SORCS3: variants seen among roughly 807,000 people sequenced by gnomAD.
SORCS3 encodes the protein sortilin related VPS10 domain containing receptor 3, also known as VPS10 domain-containing receptor SorCS3.
Under a neutral mutation model 146.3 loss-of-function variants are expected in SORCS3, and 57 were observed. The observed-to-expected ratio is 0.39, with a 90% CI of 0.31 to 0.49. The LOEUF (loss-of-function observed/expected upper bound fraction) is 0.49. Among genes scored for constraint, SORCS3 ranks in the 20% least tolerant of loss-of-function variants. The probability of loss-of-function intolerance (pLI) is 0.92; values close to 1 mark genes in which losing one functional copy is unlikely to be tolerated. For synonymous variants in SORCS3, 653 were observed against 618.5 expected (o/e 1.06, Z -0.83); for missense variants, 1,341 against 1,575.5 (o/e 0.85, Z 2.52).
chr10:105,173,553 G>T (rs1020923851), intron 13 of SORCS3, among the ~76,000 whole-genome samples: 1 of 151,574 alleles, frequency 6.6e-6, no homozygotes, highest in Non-Finnish European at 1.5e-5. Flanking sequence ...GCCCCATCTT[G>T]GTGTGGTCTC....
chr10:104,878,336 T>C (rs2133573519), intron 2 of SORCS3, among the ~76,000 whole-genome samples: 1 of 152,232 alleles, frequency 6.6e-6, no homozygotes, highest in East Asian at 1.9e-4. Flanking sequence ...AGTAATACAT[T>C]CTGTGAGGGA....
At chr10:104,876,239 G>A (rs1961639) in intron 2 of SORCS3, among the ~76,000 whole-genome samples, 109,043 of 152,054 alleles carry the variant, frequency 0.72, 39,558 homozygotes, top group East Asian at 0.88. Context: ...TGTTATAGCC[G>A]GTTTGTGTTG....
chr10:105,205,982 T>G (rs1209348815), intron 16 of SORCS3, among the ~76,000 whole-genome samples: 1 of 152,014 alleles, frequency 6.6e-6, no homozygotes, highest in African/African-American at 2.4e-5. Context: ...CAAAGCAAGT[T>G]TATTGAGTGG....
intron 1 of SORCS3, among the ~76,000 whole-genome samples, chr10:104,841,671 C>G (rs1348396155): frequency 1.3e-5 from 2 of 152,030 alleles, no homozygotes; most frequent in East Asian, 1.9e-4. Context: ...GATTATTTTT[C>G]TTTAATCTTA....
chr10:105,030,862 G>A (rs2055261831), intron 4 of SORCS3, among the ~76,000 whole-genome samples: 1 of 151,814 alleles, frequency 6.6e-6, no homozygotes. Flanking sequence ...CAAAGTGTTG[G>A]GATTACAGGT....
intron 4 of SORCS3, among the ~76,000 whole-genome samples, chr10:104,998,561 C>T (rs548421790): frequency 1.3e-5 from 2 of 152,192 alleles, no homozygotes; most frequent in South Asian, 4.1e-4. Flanking sequence ...TTTTTTGTAT[C>T]TCTTCTTCTT....
At position 105,087,497 on chromosome 10, in the gene SORCS3, A is replaced by AAAAAAAG. The variant is rs771730643; in HGVS notation, c.1029-2275_1029-2274insAAAGAAA. Among the ~76,000 whole-genome samples the AAAAAAAG allele has an allele frequency of 3.4e-3, 516 of 151,944 alleles. 3 individuals are homozygous for AAAAAAAG. Among genetic ancestry groups the AAAAAAAG allele is most frequent in the Non-Finnish European group, 5.8e-3 (395 of 67,922 alleles). ...ACATTTCTCTTCTGGGAAAAAAAAA[A>AAAAAAAG]AAAGAAAGAAAGAAACCGGGTGGCT... On this transcript the variant is annotated intron_variant, in intron 5 of 26. Coordinates refer to ENST00000369701, the MANE Select transcript of SORCS3 (RefSeq NM_014978.3).
intron 1 of SORCS3, among the ~76,000 whole-genome samples, chr10:104,733,726 A>C (rs1271131874): frequency 6.6e-6 from 1 of 152,198 alleles, no homozygotes; most frequent in Middle Eastern, 3.4e-3. Context: ...GGAAGCTCCA[A>C]GTTTGGTGCT....
intron 2 of SORCS3, among the ~76,000 whole-genome samples, chr10:104,913,878 C>A (rs1232038291): frequency 6.8e-6 from 1 of 146,784 alleles, no homozygotes; most frequent in African/African-American, 2.5e-5. Flanking sequence ...TCAAGCAATT[C>A]TTCTGCCTTA....
chr10:104,988,113 A>T (rs561777452), intron 4 of SORCS3, among the ~76,000 whole-genome samples: 1 of 152,102 alleles, frequency 6.6e-6, no homozygotes, highest in East Asian at 1.9e-4. Flanking sequence ...GGAGCATATG[A>T]CTCTTGAAGG....
intron 7 of SORCS3, among the ~76,000 whole-genome samples, chr10:105,115,722 T>A (rs1047534234): frequency 6.6e-6 from 1 of 152,166 alleles, no homozygotes; most frequent in Non-Finnish European, 1.5e-5. Flanking sequence ...GCCTCTATGA[T>A]GTGGCTACTG....
At chr10:104,856,755 A>G (rs1009157560) in intron 2 of SORCS3, among the ~76,000 whole-genome samples, 8 of 145,580 alleles carry the variant, frequency 5.5e-5, no homozygotes, top group Non-Finnish European at 9.0e-5. Flanking sequence ...AATTAGATAT[A>G]TATAATATAC....
At chr10:105,171,037 G>A (rs1016495473) in intron 13 of SORCS3, among the ~76,000 whole-genome samples, 2 of 152,106 alleles carry the variant, frequency 1.3e-5, no homozygotes, top group Non-Finnish European at 2.9e-5. Context: ...TTTATATACA[G>A]ATGTATGTAT....
At chr10:104,864,552 T>C (rs549139025) in intron 2 of SORCS3, among the ~76,000 whole-genome samples, 1 of 152,290 alleles carries the variant, frequency 6.6e-6, no homozygotes, top group South Asian at 2.1e-4. Context: ...GGTGATATTC[T>C]CTCTCTTTCA....
chr10:104,875,702 G>A (rs1053642146), intron 2 of SORCS3, among the ~76,000 whole-genome samples: 88 of 152,216 alleles, frequency 5.8e-4, no homozygotes, highest in African/African-American at 1.5e-3. Flanking sequence ...ATTGCCGCTG[G>A]CCTGCCCATG....
chr10:104,924,442 A>C (rs1763955090), intron 3 of SORCS3, among the ~76,000 whole-genome samples: 1 of 152,208 alleles, frequency 6.6e-6, no homozygotes, highest in Admixed American at 6.5e-5. Flanking sequence ...TTGTGTCTCT[A>C]CGGCTTACAG....
chr10:104,990,275 C>G (rs1272232591), intron 4 of SORCS3, among the ~76,000 whole-genome samples: 1 of 152,208 alleles, frequency 6.6e-6, no homozygotes, highest in African/African-American at 2.4e-5. Flanking sequence ...GAATGAAACT[C>G]TAGTTGCCCA....
chr10:105,256,705 A>T, intron 24 of SORCS3, 114 bp from the exon 25 acceptor site: 1 of 735,342 alleles, frequency 1.4e-6, no homozygotes, highest in Non-Finnish European at 2.3e-6. Flanking sequence ...GGAATTGGAG[A>T]CTAGACATAA....
At chr10:105,101,269 C>T (rs929090627) in intron 6 of SORCS3, among the ~76,000 whole-genome samples, 2 of 152,122 alleles carry the variant, frequency 1.3e-5, no homozygotes, top group Non-Finnish European at 2.9e-5. Context: ...GAGGTTTGAA[C>T]GAAATGATAT....
Sources: allele counts gnomAD v4.1 joint callset (sites outside exome capture counted in the v4.1 genomes callset), GRCh38; gene constraint gnomAD v4.1.1; transcripts MANE v1.5; gene names NCBI Gene and HGNC (gene_info 2026-07-23, HGNC 2026-07-21).